The following ABCB11 variants were observed in gnomAD, a reference collection of about 807,000 sequenced individuals.
ABCB11 encodes ATP binding cassette subfamily B member 11.
Under a neutral mutation model 148.0 loss-of-function variants are expected in ABCB11, and 95 were observed. The observed-to-expected ratio is 0.64, with a 90% CI of 0.54 to 0.76. ABCB11 has a LOEUF of 0.76. Among genes scored for constraint, ABCB11 ranks in the 30% least tolerant of loss-of-function variants. ABCB11 has a pLI of 0.00. For missense variants in ABCB11, 1,523 were observed against 1,617.8 expected (o/e 0.94, Z 1.01); for synonymous variants, 591 against 555.4 (o/e 1.06, Z -0.90).
chr2:168,949,377 T>C (rs910929495), intron 19 of ABCB11, among the ~76,000 whole-genome samples: 8 of 151,570 alleles, frequency 5.3e-5, no homozygotes, highest in African/African-American at 1.7e-4. Flanking sequence ...TTGGAGTCTT[T>C]AGTGTCTATT....
intron 1 of ABCB11, among the ~76,000 whole-genome samples, chr2:169,020,836 T>A (rs1038199526): frequency 8.5e-5 from 13 of 152,164 alleles, no homozygotes; most frequent in Non-Finnish European, 1.5e-4. Context: ...CACAACTCTG[T>A]TAATATATTG....
downstream of ABCB11, among the ~76,000 whole-genome samples, chr2:168,919,498 G>GT (rs1691014709): frequency 1.3e-5 from 2 of 151,986 alleles, no homozygotes; most frequent in African/African-American, 4.8e-5. Context: ...CTTCCTCTGG[G>GT]TACAGCACAC....
chr2:169,014,301 A>G lies in ABCB11; in HGVS notation c.150+2T>C, dbSNP rs1210590064. 1.2e-6 allele frequency: 2 copies of G among 1,612,638 alleles called. No homozygotes were observed. Among genetic ancestry groups the G allele is most frequent in the Non-Finnish European group, 8.5e-7 (1 of 1,178,798 alleles). ...TGCCATAAATCAACACAGTTTTATT[A>G]CCAATTGAAAGAAGCCAACTCTAAC... On this transcript the variant is annotated splice_donor_variant, in intron 4 of 27. Transcript: ENST00000650372. LOFTEE classifies it high-confidence loss of function.
intron 1 of ABCB11, among the ~76,000 whole-genome samples, chr2:169,029,916 A>T (rs1695814556): frequency 6.9e-6 from 1 of 143,966 alleles, no homozygotes. Flanking sequence ...AATTTTTTGT[A>T]TTTTTAGTAG....
At position 168,921,467 on chromosome 2, in the gene ABCB11, AT is replaced by A; in HGVS notation, c.*2154del. Among the ~76,000 whole-genome samples, 1 of 152,194 alleles carries A rather than the reference AT, an allele frequency of 6.6e-6. No individual in the cohort carries two copies. The highest frequency in any genetic ancestry group is 6.5e-5 in the Admixed American group (1 of 15,286). ...GTGCAGTCCTGCTCCCAAGGTTTTCATTTCTGTGACAAGAGCTCTTTTTTGT... is the reference window on the plus strand; with the variant it reads ...GTGCAGTCCTGCTCCCAAGGTTTTCATTCTGTGACAAGAGCTCTTTTTTGT... On this transcript the variant is annotated 3_prime_UTR_variant, in exon 28 of 28. Transcript: ENST00000650372.
intron 24 of ABCB11, 65 bp from the exon 25 acceptor site, chr2:168,930,927 T>A (rs1691543360): frequency 1.4e-6 from 2 of 1,404,840 alleles, no homozygotes; most frequent in East Asian, 5.0e-5. Flanking sequence ...AAAACACACC[T>A]AAATCTTGAG....
intron 4 of ABCB11, 30 bp downstream of exon 4, chr2:169,014,273 C>T (rs1393252603): frequency 1.3e-6 from 2 of 1,599,280 alleles, no homozygotes; most frequent in Non-Finnish European, 1.7e-6. Flanking sequence ...GCTGCACACC[C>T]ACTGCCATAA....
At chr2:168,968,347 T>A (rs2105955206) in intron 17 of ABCB11, 80 bp downstream of exon 17, 1 of 1,316,154 alleles carries the variant, frequency 7.6e-7, no homozygotes. Context: ...GTACCTGAGA[T>A]ATTCTCTGAG....
chr2:168,997,300 G>A (rs1399959295), intron 5 of ABCB11, among the ~76,000 whole-genome samples: 12 of 152,016 alleles, frequency 7.9e-5, no homozygotes, highest in Admixed American at 7.9e-4. Flanking sequence ...GGAGAGAAAA[G>A]CATTTTATTA....
chr2:168,964,863 T>G (rs188016871), intron 17 of ABCB11, among the ~76,000 whole-genome samples: 1 of 151,978 alleles, frequency 6.6e-6, no homozygotes, highest in East Asian at 1.9e-4. Context: ...TTTAGCTCAA[T>G]GTGTTCATTC....
chr2:168,930,273 T>C (rs1278949382), intron 25 of ABCB11, among the ~76,000 whole-genome samples: 1 of 152,242 alleles, frequency 6.6e-6, no homozygotes, highest in Non-Finnish European at 1.5e-5. Context: ...ATGCTAACTC[T>C]CCTTTCTTGC....
chr2:168,981,305 C>T (rs541777632), intron 10 of ABCB11, among the ~76,000 whole-genome samples: 13 of 152,112 alleles, frequency 8.5e-5, no homozygotes, highest in Admixed American at 5.9e-4. Context: ...AGTCCACTCA[C>T]GCTTTCTCCC....
chr2:168,920,493 C>T (rs66798250), downstream of ABCB11, among the ~76,000 whole-genome samples: 28,587 of 151,434 alleles, frequency 0.19, 2,860 homozygotes, highest in Non-Finnish European at 0.21. Context: ...TCATCTCTAT[C>T]TTTTTGTTTT....
At chr2:168,973,917 G>A (rs565169272) in intron 12 of ABCB11, 77 bp from the exon 13 acceptor site, 1 of 1,525,338 alleles carries the variant, frequency 6.6e-7, no homozygotes, top group African/African-American at 1.4e-5. Flanking sequence ...AGGTGCAGAT[G>A]CTTTGTGTTG....
At chr2:169,013,980 T>C (rs1241271686) in intron 4 of ABCB11, among the ~76,000 whole-genome samples, 2 of 152,202 alleles carry the variant, frequency 1.3e-5, no homozygotes, top group Non-Finnish European at 1.5e-5. Context: ...ACCTATACTT[T>C]AAAATTTCTA....
At chr2:168,915,653 G>T (rs997492168) in exon 3 of ABCB11, among the ~76,000 whole-genome samples, 2 of 152,206 alleles carry the variant, frequency 1.3e-5, no homozygotes, top group Admixed American at 6.5e-5. Context: ...GTGGTGTGTG[G>T]CTTTTGTCCA....
intron 5 of ABCB11, 94 bp downstream of exon 5, chr2:169,013,178 T>C (rs879653173): frequency 4.0e-5 from 37 of 922,192 alleles, no homozygotes; most frequent in Non-Finnish European, 6.0e-5. Context: ...TAGATACCAC[T>C]CCAGCTCAGC....
At chr2:168,969,120 A>AC (rs913473823) in intron 16 of ABCB11, among the ~76,000 whole-genome samples, 1 of 148,194 alleles carries the variant, frequency 6.7e-6, no homozygotes. Flanking sequence ...CAGGGTTAAA[A>AC]AAAAAAAAAA....
At chr2:169,023,192 C>A (rs1430003641) in intron 1 of ABCB11, among the ~76,000 whole-genome samples, 2 of 152,140 alleles carry the variant, frequency 1.3e-5, no homozygotes, top group Admixed American at 1.3e-4. Context: ...TACCCCAGAT[C>A]CCAGAATATC....
Sources: gnomAD v4.1 joint callset for allele counts (sites outside exome capture counted in the v4.1 genomes callset) on GRCh38, gnomAD v4.1.1 for gene constraint, MANE v1.5 for transcripts, NCBI Gene and HGNC (gene_info 2026-07-23, HGNC 2026-07-21) for gene names.